Variants in CDH12 observed in about 807,000 individuals in gnomAD.
The protein encoded by CDH12 is cadherin-12.
Under a neutral mutation model 74.1 loss-of-function variants are expected in CDH12, and 41 were observed. The observed-to-expected ratio is 0.55, with a 90% CI of 0.43 to 0.72. The LOEUF (loss-of-function observed/expected upper bound fraction) is 0.72. Among genes scored for constraint, CDH12 ranks in the 30% least tolerant of loss-of-function variants. The pLI is 0.00. For synonymous variants in CDH12, 399 were observed against 355.0 expected (o/e 1.12, Z -1.39); for missense variants, 945 against 977.2 (o/e 0.97, Z 0.44).
intron 3 of CDH12, among the ~76,000 whole-genome samples, chr5:22,367,866 A>G (rs1299046193): frequency 2.6e-5 from 4 of 152,200 alleles, no homozygotes; most frequent in African/African-American, 9.6e-5. Flanking sequence ...CATTCGTATA[A>G]CAAACCATAT....
intron 1 of CDH12, among the ~76,000 whole-genome samples, chr5:22,798,883 G>A (rs1292996839): frequency 9.9e-5 from 15 of 152,202 alleles, no homozygotes; most frequent in Non-Finnish European, 1.5e-5. Flanking sequence ...GGAGGTGGAG[G>A]TAGCCAGATT....
intron 1 of CDH12, among the ~76,000 whole-genome samples, chr5:22,573,115 G>A (rs1040302954): frequency 4.6e-5 from 7 of 152,180 alleles, no homozygotes; most frequent in African/African-American, 7.2e-5. Context: ...ATTTGCAGCA[G>A]TACTTGAGGA....
chr5:22,483,447 C>T lies in CDH12; in HGVS notation c.-428+21823G>A, dbSNP rs375218115. On this transcript the variant is annotated intron_variant, in intron 2 of 14. Transcript: ENST00000382254. ...ATTTCTGCAAACATGAAGATGATTTCCTAGTGGTGAAATGCAAATCGAAGA... is the reference window on the plus strand; with the variant it reads ...ATTTCTGCAAACATGAAGATGATTTTCTAGTGGTGAAATGCAAATCGAAGA... Among the ~76,000 whole-genome samples, 3 of 151,656 alleles carry T rather than the reference C, an allele frequency of 2.0e-5. No individual in the cohort carries two copies. In the East Asian group the frequency reaches 5.9e-4, roughly 30 times the overall value.
chr5:22,755,552 A>G (rs1264292071), intron 1 of CDH12, among the ~76,000 whole-genome samples: 1 of 152,176 alleles, frequency 6.6e-6, no homozygotes, highest in African/African-American at 2.4e-5. Flanking sequence ...TCTTGAAGGT[A>G]GGAAAGTGTA....
intron 5 of CDH12, among the ~76,000 whole-genome samples, chr5:21,982,792 A>G (rs1757366091): frequency 6.6e-6 from 1 of 152,164 alleles, no homozygotes; most frequent in Admixed American, 6.6e-5. Flanking sequence ...ACTAATTAGA[A>G]CAATGTAAAC....
chr5:22,540,536 T>C (rs1430611084), intron 1 of CDH12, among the ~76,000 whole-genome samples: 1 of 152,170 alleles, frequency 6.6e-6, no homozygotes, highest in African/African-American at 2.4e-5. Flanking sequence ...TCATCATATT[T>C]TTATAAAAAG....
At chr5:22,013,372 C>T (rs1489630595) in intron 5 of CDH12, among the ~76,000 whole-genome samples, 2 of 152,154 alleles carry the variant, frequency 1.3e-5, no homozygotes, top group African/African-American at 4.8e-5. Flanking sequence ...TCCACCAGGT[C>T]CCTCCCTTGC....
At chr5:21,860,152 T>A (rs1750967188) in intron 6 of CDH12, among the ~76,000 whole-genome samples, 2 of 152,106 alleles carry the variant, frequency 1.3e-5, no homozygotes, top group Non-Finnish European at 2.9e-5. Context: ...TTGTCATGAA[T>A]ACTTTTTCTT....
intron 1 of CDH12, among the ~76,000 whole-genome samples, chr5:22,553,633 A>G (rs933156323): frequency 5.3e-5 from 8 of 152,198 alleles, no homozygotes; most frequent in African/African-American, 1.9e-4. Flanking sequence ...TTAGAACTAA[A>G]CAAATGGAGA....
chr5:21,832,942 A>ATC (rs201868495), intron 8 of CDH12, among the ~76,000 whole-genome samples: 1 of 96,632 alleles, frequency 1.0e-5, no homozygotes, highest in African/African-American at 4.2e-5. Context: ...TATTATATAT[A>ATC]ATATCATATT....
intron 3 of CDH12, among the ~76,000 whole-genome samples, chr5:22,285,428 A>G (rs55678986): frequency 0.081 from 12,296 of 152,214 alleles, 573 homozygotes; most frequent in South Asian, 0.16. Flanking sequence ...TATTTTAACT[A>G]CATGGTTCTC....
At chr5:22,373,173 C>T (rs1741370546) in intron 3 of CDH12, among the ~76,000 whole-genome samples, 1 of 152,152 alleles carries the variant, frequency 6.6e-6, no homozygotes, top group Admixed American at 6.5e-5. Context: ...GCCTGGATAT[C>T]CTCCAGCCCA....
intron 1 of CDH12, among the ~76,000 whole-genome samples, chr5:22,649,183 T>C (rs1460027975): frequency 3.3e-5 from 5 of 152,024 alleles, no homozygotes; most frequent in African/African-American, 4.8e-5. Flanking sequence ...TGCCTTTTAT[T>C]AACTGCCTGA....
At chr5:22,708,322 T>C (rs1743123477) in intron 1 of CDH12, among the ~76,000 whole-genome samples, 1 of 152,124 alleles carries the variant, frequency 6.6e-6, no homozygotes, top group Admixed American at 6.6e-5. Context: ...CACAAACATA[T>C]GTACAAAGAG....
intron 4 of CDH12, among the ~76,000 whole-genome samples, chr5:22,167,746 C>A (rs574030327): frequency 1.3e-5 from 2 of 152,128 alleles, no homozygotes; most frequent in East Asian, 3.9e-4. Context: ...TGGCTATTTT[C>A]TTTTACGATG....
At chr5:22,458,490 C>A (rs1328805287) in intron 2 of CDH12, among the ~76,000 whole-genome samples, 1 of 152,098 alleles carries the variant, frequency 6.6e-6, no homozygotes, top group Non-Finnish European at 1.5e-5. Context: ...CAGAACCTAC[C>A]AAGTACAACA....
At chr5:21,815,936 C>CT (rs1353438901) in intron 9 of CDH12, among the ~76,000 whole-genome samples, 1 of 152,062 alleles carries the variant, frequency 6.6e-6, no homozygotes, top group South Asian at 2.1e-4. Context: ...CTGTAAGAAT[C>CT]TTTTTTAAAT....
intron 2 of CDH12, among the ~76,000 whole-genome samples, chr5:22,445,095 G>C (rs1033598855): frequency 1.3e-5 from 2 of 152,064 alleles, no homozygotes; most frequent in Admixed American, 1.3e-4. Context: ...GCTATGGAAA[G>C]AGAGTATTTC....
At chr5:22,840,986 A>T (rs1737058174) in intron 1 of CDH12, among the ~76,000 whole-genome samples, 1 of 152,302 alleles carries the variant, frequency 6.6e-6, no homozygotes, top group Middle Eastern at 3.4e-3. Flanking sequence ...ATGCAGGGAA[A>T]ACGGATCAGA....
Sources: gnomAD v4.1 joint callset for allele counts (sites outside exome capture counted in the v4.1 genomes callset) on GRCh38, gnomAD v4.1.1 for gene constraint, MANE v1.5 for transcripts, NCBI Gene and HGNC (gene_info 2026-07-23, HGNC 2026-07-21) for gene names.